Variants in LRP1B observed in about 807,000 individuals in gnomAD.
LRP1B encodes the protein low-density lipoprotein receptor-related protein 1B.
Under a neutral mutation model 556.6 loss-of-function variants are expected in LRP1B, and 217 were observed. That is an observed-to-expected ratio of 0.39 (90% CI 0.35 to 0.44). The LOEUF is 0.44. Among genes scored for constraint, LRP1B ranks in the 20% least tolerant of loss-of-function variants. The pLI, the probability that LRP1B is intolerant of heterozygous loss-of-function variation, is 1.00. For synonymous variants in LRP1B, 2,047 were observed against 1,865.8 expected (o/e 1.10, Z -2.50); for missense variants, 5,053 against 5,620.8 (o/e 0.90, Z 3.23).
chr2:140,898,956 A>G (rs971978918), intron 23 of LRP1B: 5 of 377,376 alleles, frequency 1.3e-5, no homozygotes, highest in Non-Finnish European at 2.6e-5. Flanking sequence ...CTTGCCTTAA[A>G]ATTCTTCACC....
At chr2:141,322,036 T>G (rs1687261315) in intron 3 of LRP1B, among the ~76,000 whole-genome samples, 1 of 152,116 alleles carries the variant, frequency 6.6e-6, no homozygotes, top group African/African-American at 2.4e-5. Context: ...TGGCCCCTTC[T>G]TCAGTGATCC....
At chr2:141,296,270 C>T (rs1686180061) in intron 3 of LRP1B, among the ~76,000 whole-genome samples, 1 of 152,160 alleles carries the variant, frequency 6.6e-6, no homozygotes, top group African/African-American at 2.4e-5. Context: ...TATCAAAATG[C>T]ATTCAGTATT....
At chr2:140,597,921 T>C (rs1218573270) in intron 43 of LRP1B, among the ~76,000 whole-genome samples, 4 of 152,118 alleles carry the variant, frequency 2.6e-5, no homozygotes, top group Non-Finnish European at 4.4e-5. Context: ...TGAGGATCAT[T>C]TTGTCCTTCA....
intron 35 of LRP1B, among the ~76,000 whole-genome samples, chr2:140,729,630 A>G (rs1376603473): frequency 6.6e-6 from 1 of 152,210 alleles, no homozygotes; most frequent in East Asian, 1.9e-4. Flanking sequence ...TGTGTATTAA[A>G]GGAGACACAG....
At chr2:140,317,003 A>G (rs2105041440) in intron 82 of LRP1B, among the ~76,000 whole-genome samples, 1 of 152,244 alleles carries the variant, frequency 6.6e-6, no homozygotes, top group Admixed American at 6.6e-5. Flanking sequence ...GAAGGTTTAC[A>G]GAGGATGGAG....
chr2:141,253,612 G>A (rs1684350349), intron 4 of LRP1B, among the ~76,000 whole-genome samples: 1 of 152,008 alleles, frequency 6.6e-6, no homozygotes, highest in African/African-American at 2.4e-5. Flanking sequence ...TTGTCATTAA[G>A]ATTTTAAACA....
intron 2 of LRP1B, among the ~76,000 whole-genome samples, chr2:141,646,808 AAAG>A (rs1382520466): frequency 6.6e-6 from 1 of 152,160 alleles, no homozygotes; most frequent in Non-Finnish European, 1.5e-5. Context: ...TCATGAGGCA[AAAG>A]AAGAACCATC....
intron 1 of LRP1B, among the ~76,000 whole-genome samples, chr2:141,989,647 C>T (rs960010038): frequency 1.3e-5 from 2 of 151,914 alleles, no homozygotes; most frequent in Non-Finnish European, 2.9e-5. Flanking sequence ...GAATCATGGG[C>T]GTGGTTTCCT....
chr2:141,953,522 T>C (rs1380461425), intron 1 of LRP1B, among the ~76,000 whole-genome samples: 2 of 152,080 alleles, frequency 1.3e-5, no homozygotes, highest in Non-Finnish European at 2.9e-5. Flanking sequence ...AGTCTAAAGT[T>C]CTATATTTTA....
intron 35 of LRP1B, among the ~76,000 whole-genome samples, chr2:140,739,709 C>T (rs1381475862): frequency 2.0e-5 from 3 of 152,088 alleles, no homozygotes; most frequent in African/African-American, 4.8e-5. Flanking sequence ...AAAAATACCG[C>T]TGATTGGATA....
At chr2:141,296,471 A>G (rs982125762) in intron 3 of LRP1B, among the ~76,000 whole-genome samples, 2 of 152,232 alleles carry the variant, frequency 1.3e-5, no homozygotes, top group Non-Finnish European at 2.9e-5. Flanking sequence ...AGGATTTTGC[A>G]TTCTAAGCCA....
At chr2:140,506,606 A>G (rs1283521388) in intron 53 of LRP1B, among the ~76,000 whole-genome samples, 190 bp downstream of exon 53, 1 of 152,214 alleles carries the variant, frequency 6.6e-6, no homozygotes, top group East Asian at 1.9e-4. Flanking sequence ...AACAGGTATG[A>G]TTTCCAAAGA....
intron 1 of LRP1B, among the ~76,000 whole-genome samples, chr2:142,123,548 T>C (rs1360565628): frequency 6.6e-6 from 1 of 151,898 alleles, no homozygotes; most frequent in Non-Finnish European, 1.5e-5. Context: ...GACAATGAGG[T>C]GTATGCAACT....
intron 66 of LRP1B, among the ~76,000 whole-genome samples, chr2:140,389,133 G>A (rs763740940): frequency 0.088 from 13,350 of 151,980 alleles, 685 homozygotes; most frequent in Middle Eastern, 0.14. Flanking sequence ...AACAAATATG[G>A]AACTTGCTTT....
At chr2:141,367,257 C>A (rs777757014) in intron 3 of LRP1B, among the ~76,000 whole-genome samples, 2 of 151,420 alleles carry the variant, frequency 1.3e-5, no homozygotes, top group Non-Finnish European at 2.9e-5. Flanking sequence ...ACAGTATGTA[C>A]CTAGTTAAAT....
chr2:141,620,861 G>C (rs1688483572), intron 2 of LRP1B, among the ~76,000 whole-genome samples: 1 of 150,972 alleles, frequency 6.6e-6, no homozygotes, highest in Admixed American at 6.6e-5. Flanking sequence ...CAGGTTAGTT[G>C]GACATACTGG....
chr2:140,345,286 T>A (rs1681592871), intron 77 of LRP1B, among the ~76,000 whole-genome samples: 1 of 151,802 alleles, frequency 6.6e-6, no homozygotes, highest in South Asian at 2.1e-4. Context: ...TTAAGGTCCT[T>A]AATGAATCTC....
rs553513012 is a variant in LRP1B, at chr2:140,357,250, ACTGACTTGAATATTTTG to A, written c.11395+712_11395+728del. 2.4e-3 allele frequency among the ~76,000 whole-genome samples: 363 copies of A among 151,786 alleles called. 2 individuals carry two copies. The highest frequency in any genetic ancestry group is 8.1e-3 in the African/African-American group (336 of 41,480). ...CTTTAATTATTATCGTTGTAACCCCACTGACTTGAATATTTTGCAATTAGTTAAAATAGGTCAGTGGA... is the reference window on the plus strand; with the variant it reads ...CTTTAATTATTATCGTTGTAACCCCACAATTAGTTAAAATAGGTCAGTGGA... On this transcript the variant is annotated intron_variant, in intron 74 of 90. Transcript: ENST00000389484.
At chr2:140,326,870 T>C (rs1354825544) in intron 79 of LRP1B, among the ~76,000 whole-genome samples, 1 of 152,166 alleles carries the variant, frequency 6.6e-6, no homozygotes, top group Non-Finnish European at 1.5e-5. Context: ...ATTTTTCTAC[T>C]TTTTTAGTTT....
Sources: allele counts gnomAD v4.1 joint callset (sites outside exome capture counted in the v4.1 genomes callset), GRCh38; gene constraint gnomAD v4.1.1; transcripts MANE v1.5; gene names NCBI Gene and HGNC (gene_info 2026-07-23, HGNC 2026-07-21).